ZNF804B: variants seen among roughly 807,000 people sequenced by gnomAD.
ZNF804B encodes the protein zinc finger protein 804B.
In ZNF804B, 80 loss-of-function variants were observed where a neutral mutation model predicts 101.4. That is an observed-to-expected ratio of 0.79 (90% CI 0.66 to 0.95). The LOEUF is 0.95. ZNF804B is among the 40% of genes least tolerant of loss of function. The pLI is 0.00. For missense variants in ZNF804B, 1,673 were observed against 1,561.9 expected (o/e 1.07, Z -1.20); for synonymous variants, 622 against 558.8 (o/e 1.11, Z -1.59).
intron 1 of ZNF804B, among the ~76,000 whole-genome samples, chr7:88,860,812 C>T (rs577363589): frequency 3.2e-4 from 48 of 152,214 alleles, no homozygotes; most frequent in East Asian, 5.8e-4. Flanking sequence ...CAGTGTACCT[C>T]CAGAAAAAAT....
At chr7:89,180,237 G>C (rs1366389509) in intron 1 of ZNF804B, among the ~76,000 whole-genome samples, 2 of 152,100 alleles carry the variant, frequency 1.3e-5, no homozygotes, top group Admixed American at 6.5e-5. Context: ...TTCTCTGCAG[G>C]GCAACAGGTT....
At position 88,904,459 on chromosome 7, in the gene ZNF804B, TA is replaced by T. The variant is rs1489633589; in HGVS notation, c.108+144381del. Among the ~76,000 whole-genome samples, 3 of 152,278 alleles carry T rather than the reference TA, an allele frequency of 2.0e-5. No individual in the cohort carries two copies. The East Asian group carries it at 5.8e-4, about 29-fold the overall frequency. ...AGGCCTTTTTTGGTTCCACATGAAT[TA>T]AAAAATTTTTTTTCTAATTCTGTGA... On this transcript the variant is annotated intron_variant, in intron 1 of 3. Coordinates refer to ENST00000333190, the MANE Select transcript of ZNF804B (RefSeq NM_181646.5).
intron 1 of ZNF804B, among the ~76,000 whole-genome samples, chr7:89,217,148 A>G (rs1371490069): frequency 6.6e-6 from 1 of 152,238 alleles, no homozygotes; most frequent in Non-Finnish European, 1.5e-5. Flanking sequence ...AAAACAGATA[A>G]TTTAATGCTA....
At chr7:88,917,950 C>T (rs1298904918) in intron 1 of ZNF804B, among the ~76,000 whole-genome samples, 1 of 151,790 alleles carries the variant, frequency 6.6e-6, no homozygotes, top group African/African-American at 2.4e-5. Flanking sequence ...GAGGAAAGCA[C>T]TAGTTAAGGA....
rs1788897807 is a variant in ZNF804B, at chr7:89,216,402, A to G, written c.109-1753A>G. 2.0e-5 allele frequency among the ~76,000 whole-genome samples: 3 copies of G among 152,306 alleles called. No individual in the cohort carries two copies. The South Asian group carries it at 6.2e-4, about 32-fold the overall frequency. The stretch of plus-strand genomic sequence containing the variant: ...AATCAAGGGATTTAGCACCATCTCA[A>G]TGCTGTATTCCCGTCTCACTTCTCA... On this transcript the variant is annotated intron_variant, in intron 1 of 3. Coordinates refer to ENST00000333190, the MANE Select transcript of ZNF804B (RefSeq NM_181646.5).
intron 1 of ZNF804B, among the ~76,000 whole-genome samples, chr7:89,109,764 G>C (rs550793296): frequency 6.6e-6 from 1 of 152,038 alleles, no homozygotes; most frequent in African/African-American, 2.4e-5. Flanking sequence ...CTTCTATTTT[G>C]TTAGCCTTTA....
chr7:88,978,606 G>C (rs1252628375), intron 1 of ZNF804B, among the ~76,000 whole-genome samples: 1 of 150,630 alleles, frequency 6.6e-6, no homozygotes, highest in Non-Finnish European at 1.5e-5. Context: ...CTTTCTAGGT[G>C]AAGTGTGTTT....
intron 1 of ZNF804B, among the ~76,000 whole-genome samples, chr7:89,013,347 T>C (rs2116197767): frequency 6.6e-6 from 1 of 152,302 alleles, no homozygotes; most frequent in African/African-American, 2.4e-5. Context: ...TTAATGAATA[T>C]ACTTCACTTA....
chr7:89,014,982 G>A (rs1030826119), intron 1 of ZNF804B, among the ~76,000 whole-genome samples: 1 of 152,066 alleles, frequency 6.6e-6, no homozygotes, highest in African/African-American at 2.4e-5. Flanking sequence ...TACAGTATGG[G>A]GATTTACATT....
At chr7:88,833,181 AAAAGT>A (rs1411005407) in intron 1 of ZNF804B, among the ~76,000 whole-genome samples, 1 of 151,792 alleles carries the variant, frequency 6.6e-6, no homozygotes, top group Admixed American at 6.6e-5. Flanking sequence ...CCGCTTAAAA[AAAAGT>A]AAGTATTGTT....
At chr7:89,101,567 C>T (rs888872203) in intron 1 of ZNF804B, among the ~76,000 whole-genome samples, 2 of 151,740 alleles carry the variant, frequency 1.3e-5, no homozygotes, top group Non-Finnish European at 1.5e-5. Context: ...TTCTCACAAC[C>T]TAAAAAGCAT....
At chr7:89,005,900 C>T (rs1788363729) in intron 1 of ZNF804B, among the ~76,000 whole-genome samples, 1 of 152,044 alleles carries the variant, frequency 6.6e-6, no homozygotes, top group African/African-American at 2.4e-5. Context: ...AGTGGCAGTT[C>T]TCTACAAGAC....
chr7:88,817,424 C>G (rs750049977), intron 1 of ZNF804B, among the ~76,000 whole-genome samples: 1 of 140,882 alleles, frequency 7.1e-6, no homozygotes, highest in African/African-American at 2.7e-5. Flanking sequence ...AAAGGCTGCT[C>G]TCTCCATAGG....
chr7:88,837,884 C>T (rs1438163497), intron 1 of ZNF804B, among the ~76,000 whole-genome samples: 2 of 151,572 alleles, frequency 1.3e-5, no homozygotes, highest in African/African-American at 4.8e-5. Context: ...ACTAATCTCC[C>T]CAAGTTTTTT....
chr7:89,296,292 A>G (rs1385594159), intron 2 of ZNF804B, among the ~76,000 whole-genome samples: 4 of 152,118 alleles, frequency 2.6e-5, no homozygotes, highest in African/African-American at 9.6e-5. Flanking sequence ...ATGATTCTTA[A>G]TTTATCTAGA....
Position 88,859,526 on chromosome 7 carries a change from A to G in ZNF804B, c.108+99442A>G, listed in dbSNP as rs139671145. On this transcript the variant is annotated intron_variant, in intron 1 of 3. Coordinates refer to ENST00000333190, the MANE Select transcript of ZNF804B (RefSeq NM_181646.5). Reference sequence around the variant, plus strand: ...TTTATTTGGGGAATAAGAATATACTATTCTCTTTAATTCTCTCTTTCATTA... The same window carrying G: ...TTTATTTGGGGAATAAGAATATACTGTTCTCTTTAATTCTCTCTTTCATTA... Among the ~76,000 whole-genome samples the G allele has an allele frequency of 2.6e-5, 4 of 152,226 alleles. No homozygotes were observed. The East Asian group carries it at 5.8e-4, about 22-fold the overall frequency.
At chr7:89,179,819 T>C (rs1410078957) in intron 1 of ZNF804B, among the ~76,000 whole-genome samples, 1 of 152,180 alleles carries the variant, frequency 6.6e-6, no homozygotes, top group Admixed American at 6.5e-5. Context: ...GAATTGTGTG[T>C]TGTGATCTAA....
intron 1 of ZNF804B, among the ~76,000 whole-genome samples, chr7:88,912,340 A>C (rs886662467): frequency 6.6e-6 from 1 of 152,038 alleles, no homozygotes; most frequent in African/African-American, 2.4e-5. Context: ...AGGTACAGGA[A>C]ATATATTTTT....
intron 1 of ZNF804B, among the ~76,000 whole-genome samples, chr7:89,180,193 A>G (rs925066403): frequency 2.0e-5 from 3 of 152,146 alleles, no homozygotes; most frequent in African/African-American, 7.2e-5. Context: ...GGCTCTTTAG[A>G]TAGCAGATGG....
Sources: gnomAD v4.1 joint callset for allele counts (sites outside exome capture counted in the v4.1 genomes callset) on GRCh38, gnomAD v4.1.1 for gene constraint, MANE v1.5 for transcripts, NCBI Gene and HGNC (gene_info 2026-07-23, HGNC 2026-07-21) for gene names.